The following MLYCD variants were observed in gnomAD, a reference collection of about 807,000 sequenced individuals.
The protein encoded by MLYCD is malonyl-CoA decarboxylase, also known as malonyl-CoA decarboxylase, mitochondrial.
A neutral mutation model predicts 35.8 loss-of-function variants in MLYCD; 27 were observed. The observed-to-expected ratio is 0.75, with a 90% CI of 0.56 to 1.04. The LOEUF (loss-of-function observed/expected upper bound fraction) is 1.04. Among genes scored for constraint, MLYCD ranks in the 50% least tolerant of loss-of-function variants. The probability of loss-of-function intolerance (pLI) is 0.00; values close to 1 mark genes in which losing one functional copy is unlikely to be tolerated. For missense variants in MLYCD, 917 were observed against 665.1 expected (o/e 1.38, Z -4.17); for synonymous variants, 403 against 302.4 (o/e 1.33, Z -3.45).
Position 83,915,045 on chromosome 16 carries a change from G to A in MLYCD, c.1038G>A (p.Thr346=), listed in dbSNP as rs1476226788. 9 of 1,614,084 alleles carry A rather than the reference G, an allele frequency of 5.6e-6. No homozygotes were observed. Among genetic ancestry groups the A allele is most frequent in the African/African-American group, 2.7e-5 (2 of 74,920 alleles). ...KWLLGLLNSQ[T]KEHGRNELFT... ...TTCTGGGGCTTCTGAACTCGCAAACGAAGGAGCATGGGAGGAATGAACTCT... is the reference window on the plus strand; with the variant it reads ...TTCTGGGGCTTCTGAACTCGCAAACAAAGGAGCATGGGAGGAATGAACTCT... The change falls in exon 5 of 5, where the codon ACG becomes ACA. Residue 346 remains threonine, a synonymous_variant. Transcript: ENST00000262430.
At chr16:83,908,599 C>G (rs1907064391) in intron 3 of MLYCD, among the ~76,000 whole-genome samples, 1 of 152,136 alleles carries the variant, frequency 6.6e-6, no homozygotes, top group East Asian at 1.9e-4. Context: ...GGACAGATAC[C>G]TGATTCATAC....
In MLYCD at chr16:83,920,655, G is replaced by C. The variant is rs1833893861; in HGVS notation, c.*5166G>C. 1.3e-5 allele frequency: 2 copies of C among 152,172 alleles called. No individual in the cohort carries two copies. Among genetic ancestry groups the C allele is most frequent in the African/African-American group, 2.4e-5 (1 of 41,430 alleles). 9.4% of individuals were successfully genotyped at this position (152,172 alleles called of 1,614,324 possible). A position where few individuals can be genotyped will look rare whatever the true frequency, so the allele number is the denominator to read the frequency against. ...CACATCCGCTGCCTCTGTGTGGCAG[G>C]CGTGTCCGAGACTGCAACTCCTAGT... On this transcript the variant is annotated 3_prime_UTR_variant, in exon 5 of 5. Transcript: ENST00000262430.
At chr16:83,902,850 G>C (rs1007500892) in intron 1 of MLYCD, among the ~76,000 whole-genome samples, 2 of 152,184 alleles carry the variant, frequency 1.3e-5, no homozygotes, top group Non-Finnish European at 2.9e-5. Context: ...ATCTGAGTGA[G>C]TTTGGAGGCT....
chr16:83,905,295 C>T (rs975925595), intron 1 of MLYCD, among the ~76,000 whole-genome samples: 2 of 151,854 alleles, frequency 1.3e-5, no homozygotes, highest in East Asian at 1.9e-4. Flanking sequence ...TCTTTATGAC[C>T]CTTGTAGAGA....
In MLYCD at chr16:83,915,519, C is replaced by T. The variant is rs186889099; in HGVS notation, c.*30C>T. ...AAACCTCTCCTAAAGCACAGGGCCC[C>T]GGCTAAGAAAACGATCATTTTCAGG... is the stretch of plus-strand genomic sequence containing the variant. On this transcript the variant is annotated 3_prime_UTR_variant, in exon 5 of 5. Coordinates refer to ENST00000262430, the MANE Select transcript of MLYCD (RefSeq NM_012213.3). The T allele has an allele frequency of 1.3e-5, 21 of 1,604,000 alleles. No homozygotes were observed. The East Asian group carries it at 2.9e-4, about 22-fold the overall frequency.
intron 3 of MLYCD, among the ~76,000 whole-genome samples, chr16:83,909,891 C>G (rs114480107): frequency 0.073 from 11,029 of 151,884 alleles, 483 homozygotes; most frequent in East Asian, 0.11. Context: ...CCGCGGCTTC[C>G]CAAAGTGCTG....
intron 1 of MLYCD, among the ~76,000 whole-genome samples, chr16:83,903,969 C>T (rs182182085): frequency 6.4e-4 from 98 of 152,272 alleles, no homozygotes; most frequent in African/African-American, 2.2e-3. Flanking sequence ...TGTGGCTCAT[C>T]CCAGCCTGAA....
In MLYCD at chr16:83,916,178, T is replaced by C. The variant is rs989632493; in HGVS notation, c.*689T>C. 2 of 989,636 alleles carry C rather than the reference T, an allele frequency of 2.0e-6. No individual in the cohort carries two copies. The highest frequency in any genetic ancestry group is 1.2e-6 in the Non-Finnish European group (1 of 831,536). 61.3% of individuals were successfully genotyped at this position (989,636 alleles called of 1,614,324 possible). ...AAGAACACGTTTGTTCTGTAAAGCA[T>C]TGAACATCTGATTGTGTAGTGGTGG... On this transcript the variant is annotated 3_prime_UTR_variant, in exon 5 of 5. Coordinates refer to ENST00000262430, the MANE Select transcript of MLYCD (RefSeq NM_012213.3).
chr16:83,917,572 G>A lies in MLYCD; in HGVS notation c.*2083G>A, dbSNP rs1454543819. Reference sequence around the variant, plus strand: ...GCTTCGTGACAGACGGTGTGATCGCGGGAGCTGTCTCATGCCTCTTGTTCT... The same window carrying A: ...GCTTCGTGACAGACGGTGTGATCGCAGGAGCTGTCTCATGCCTCTTGTTCT... On this transcript the variant is annotated 3_prime_UTR_variant, in exon 5 of 5. Transcript: ENST00000262430. 1.3e-5 allele frequency: 2 copies of A among 152,590 alleles called. No individual in the cohort carries two copies. The highest frequency in any genetic ancestry group is 2.1e-4 in the South Asian group (1 of 4,848). 9.5% of individuals were successfully genotyped at this position (152,590 alleles called of 1,614,324 possible). A position where few individuals can be genotyped will look rare whatever the true frequency, so the allele number is the denominator to read the frequency against.
chr16:83,909,589 G>C (rs1332121567), intron 3 of MLYCD, among the ~76,000 whole-genome samples: 1 of 150,972 alleles, frequency 6.6e-6, no homozygotes, highest in Non-Finnish European at 1.5e-5. Flanking sequence ...TTATTGCCCT[G>C]AGCACCCTGT....
At chr16:83,899,930 T>G (rs928636553) in intron 1 of MLYCD, among the ~76,000 whole-genome samples, 3 of 152,228 alleles carry the variant, frequency 2.0e-5, no homozygotes, top group African/African-American at 2.4e-5. Flanking sequence ...ACTCAGCACT[T>G]GGTGGTCTTT....
chr16:83,908,232 C>G lies in MLYCD; in HGVS notation c.748C>G (p.Leu250Val), dbSNP rs762362836. Residue 250 changes from leucine (L) to valine (V), a missense_variant, in exon 3 of 5, where the codon CTG (leucine) becomes GTG (valine). By Grantham distance (32) the Leu-to-Val change is conservative (BLOSUM62 1). Coordinates refer to ENST00000262430, the MANE Select transcript of MLYCD (RefSeq NM_012213.3). ...FSHCSTPGEP[L>V]VVLHVALTGD... ...TCACTGTTCGACCCCTGGGGAGCCC[C>G]TGGTCGTTTTGCACGTGGCACTGAC... The G allele has an allele frequency of 1.5e-5, 25 of 1,614,236 alleles. No individual in the cohort carries two copies. Among genetic ancestry groups the G allele is most frequent in the Non-Finnish European group, 2.1e-5 (25 of 1,180,038 alleles).
intron 3 of MLYCD, 94 bp downstream of exon 3, chr16:83,908,376 T>TC: frequency 1.5e-5 from 4 of 263,214 alleles, no homozygotes; most frequent in South Asian, 1.1e-4. Flanking sequence ...TTTATCCTCC[T>TC]TTTTTTTTTT....
rs983197078 is a variant in MLYCD, at chr16:83,920,703, C to T, written c.*5214C>T. 5 of 152,346 alleles carry T rather than the reference C, an allele frequency of 3.3e-5. No homozygotes were observed. The highest frequency in any genetic ancestry group is 2.0e-4 in the Admixed American group (3 of 15,298). 9.4% of individuals were successfully genotyped at this position (152,346 alleles called of 1,614,324 possible). A position where few individuals can be genotyped will look rare whatever the true frequency, so the allele number is the denominator to read the frequency against. ...AGTTCCCACCTTTCACACCTCATCTCTCTAACCTCTTATGGAAAATTTCAA... is the reference window on the plus strand; with the variant it reads ...AGTTCCCACCTTTCACACCTCATCTTTCTAACCTCTTATGGAAAATTTCAA... On this transcript the variant is annotated 3_prime_UTR_variant, in exon 5 of 5. Coordinates refer to ENST00000262430, the MANE Select transcript of MLYCD (RefSeq NM_012213.3).
intron 4 of MLYCD, chr16:83,912,641 G>A (rs1907221485): frequency 2.1e-6 from 1 of 471,240 alleles, no homozygotes; most frequent in Non-Finnish European, 3.9e-6. Flanking sequence ...CTCTCTCTAG[G>A]GTGACCTCGT....
intron 3 of MLYCD, among the ~76,000 whole-genome samples, chr16:83,909,004 C>G (rs545446918): frequency 1.1e-4 from 16 of 152,284 alleles, no homozygotes; most frequent in African/African-American, 3.8e-4. Context: ...GATGAGTGCC[C>G]TAAGCAGGTG....
rs1034796670 is a variant in MLYCD, at chr16:83,899,184, C to T, written c.40C>T (p.Leu14Phe). Reference protein sequence around the residue: ...FGPGLTARRLLPLRLPPRPPG... With the variant: ...FGPGLTARRLFPLRLPPRPPG... Reference sequence around the variant, plus strand: ...GCCAGGCTTGACGGCCAGGCGTCTCCTCCCGCTGCGGTTGCCCCCGCGGCC... The same window carrying T: ...GCCAGGCTTGACGGCCAGGCGTCTCTTCCCGCTGCGGTTGCCCCCGCGGCC... Residue 14 changes from leucine to phenylalanine, a missense_variant, in exon 1 of 5, where the codon CTC becomes TTC. Coordinates refer to ENST00000262430, the MANE Select transcript of MLYCD (RefSeq NM_012213.3). 4.3e-6 allele frequency: 5 copies of T among 1,172,206 alleles called. No homozygotes were observed. Among genetic ancestry groups the T allele is most frequent in the Non-Finnish European group, 5.2e-6 (5 of 953,236 alleles). 72.6% of individuals were successfully genotyped at this position (1,172,206 alleles called of 1,614,324 possible). A position where few individuals can be genotyped will look rare whatever the true frequency, so the allele number is the denominator to read the frequency against.
In MLYCD at chr16:83,921,816, C is replaced by G. The variant is rs532228302; in HGVS notation, c.*6327C>G. ...TCCCACAGTGGCAGTGCAGAGGAGA[C>G]AAAAGCAGAACAAAAGCAGACAGCG... On this transcript the variant is annotated 3_prime_UTR_variant, in exon 5 of 5. Coordinates refer to ENST00000262430, the MANE Select transcript of MLYCD (RefSeq NM_012213.3). 7.2e-6 allele frequency: 1 copy of G among 138,894 alleles called. No homozygotes were observed. The highest frequency in any genetic ancestry group is 2.2e-4 in the South Asian group (1 of 4,502). The allele number at this position is 138,894 out of a possible 1,614,324, so 8.6% of individuals were successfully genotyped here.
In MLYCD at chr16:83,915,359, T is replaced by C. The variant is rs1336016997; in HGVS notation, c.1352T>C (p.Met451Thr). 1 of 1,613,754 alleles carries C rather than the reference T, an allele frequency of 6.2e-7. No individual in the cohort carries two copies. The highest frequency in any genetic ancestry group is 1.7e-5 in the Admixed American group (1 of 60,026). ...GGCATCACCGGCTCCTGCGGCCTGA[T>C]GGCCAACTACCGCTACTTCCTGGAG... ...LRGITGSCGL[M>T]ANYRYFLEET... The change falls in exon 5 of 5, where the codon ATG becomes ACG. Residue 451 changes from methionine to threonine, a missense_variant. By Grantham distance (81) the Met-to-Thr change is moderately conservative. Coordinates refer to ENST00000262430, the MANE Select transcript of MLYCD (RefSeq NM_012213.3).
Sources: gnomAD v4.1 joint callset for allele counts (sites outside exome capture counted in the v4.1 genomes callset) on GRCh38, gnomAD v4.1.1 for gene constraint, MANE v1.5 for transcripts, NCBI Gene and HGNC (gene_info 2026-07-23, HGNC 2026-07-21) for gene names.